Variants in PCDH15 observed in about 807,000 individuals in gnomAD.
The protein encoded by PCDH15 is protocadherin related 15.
Under a neutral mutation model 178.5 loss-of-function variants are expected in PCDH15, and 129 were observed. The observed-to-expected ratio is 0.72, with a 90% CI of 0.63 to 0.84. PCDH15 has a LOEUF of 0.84. PCDH15 is among the 40% of genes least tolerant of loss of function. PCDH15 has a pLI of 0.00. For synonymous variants in PCDH15, 800 were observed against 732.0 expected, an observed-to-expected ratio of 1.09 and a Z score of -1.50; for missense variants, 2,230 against 2,099.9, an observed-to-expected ratio of 1.06 and a Z score of -1.21.
Position 54,227,831 on chromosome 10 carries a change from C to G in PCDH15, c.985+8992G>C, listed in dbSNP as rs144735117. ...CTCAAGTTCAAAGTTCCACAAATATCTAAGGCAGGGGCAAAATGCTGCCAG... is the reference window on the plus strand; with the variant it reads ...CTCAAGTTCAAAGTTCCACAAATATGTAAGGCAGGGGCAAAATGCTGCCAG... On this transcript the variant is annotated intron_variant, in intron 9 of 37. Coordinates refer to ENST00000644397, the MANE Select transcript of PCDH15 (RefSeq NM_001384140.1). Among the ~76,000 whole-genome samples the G allele has an allele frequency of 1.9e-3, 284 of 152,274 alleles. 10 individuals are homozygous for G. In the East Asian group the frequency reaches 0.045, roughly 24 times the overall value.
chr10:55,313,060 T>C (rs1416667600), intron 1 of PCDH15, among the ~76,000 whole-genome samples: 1 of 152,130 alleles, frequency 6.6e-6, no homozygotes, highest in African/African-American at 2.4e-5. Flanking sequence ...ATACTAGAAA[T>C]AAGAAAATGT....
intron 1 of PCDH15, among the ~76,000 whole-genome samples, chr10:54,793,353 G>C (rs530663706): frequency 6.6e-6 from 1 of 151,946 alleles, no homozygotes; most frequent in South Asian, 2.1e-4. Flanking sequence ...CACCCACCCA[G>C]AGGCAATGAG....
chr10:54,470,631 C>G (rs2077847463), intron 3 of PCDH15, among the ~76,000 whole-genome samples: 1 of 152,096 alleles, frequency 6.6e-6, no homozygotes, highest in Non-Finnish European at 1.5e-5. Context: ...AAGGACTCTA[C>G]CATGGCTAAG....
At chr10:54,702,664 T>C (rs1226849403) in intron 1 of PCDH15, among the ~76,000 whole-genome samples, 1 of 151,086 alleles carries the variant, frequency 6.6e-6, no homozygotes, top group African/African-American at 2.4e-5. Flanking sequence ...TAGGAAGAAA[T>C]TGCAACCCTG....
At chr10:55,144,912 G>T (rs1838462421) in intron 2 of PCDH15, among the ~76,000 whole-genome samples, 1 of 151,104 alleles carries the variant, frequency 6.6e-6, no homozygotes, top group African/African-American at 2.4e-5. Context: ...TTTTTCCAAG[G>T]AATATATCCA....
intron 3 of PCDH15, among the ~76,000 whole-genome samples, chr10:54,812,050 A>C (rs996191841): frequency 2.0e-5 from 3 of 152,010 alleles, no homozygotes; most frequent in African/African-American, 7.2e-5. Context: ...CATAATTCTT[A>C]ATTAATCAAC....
At chr10:54,570,219 T>A (rs2089623708) in intron 2 of PCDH15, among the ~76,000 whole-genome samples, 1 of 152,130 alleles carries the variant, frequency 6.6e-6, no homozygotes, top group East Asian at 1.9e-4. Flanking sequence ...GGAAAGTGTC[T>A]GGCTATATAC....
At chr10:55,398,932 T>C (rs892165558) in intron 2 of PCDH15, among the ~76,000 whole-genome samples, 12 of 152,106 alleles carry the variant, frequency 7.9e-5, no homozygotes, top group African/African-American at 2.7e-4. Flanking sequence ...GCTCACATTC[T>C]CTAAAATGAC....
At chr10:54,459,570 A>G (rs970841576) in intron 3 of PCDH15, among the ~76,000 whole-genome samples, 1 of 152,112 alleles carries the variant, frequency 6.6e-6, no homozygotes, top group Non-Finnish European at 1.5e-5. Context: ...CCCATAATGT[A>G]AAGATTTTAG....
chr10:54,614,954 A>G (rs557888558), intron 2 of PCDH15, among the ~76,000 whole-genome samples: 1 of 152,088 alleles, frequency 6.6e-6, no homozygotes, highest in South Asian at 2.1e-4. Flanking sequence ...AGATATGCTA[A>G]GTACTCAGTA....
intron 20 of PCDH15, among the ~76,000 whole-genome samples, chr10:54,002,056 T>C (rs2092169504): frequency 8.9e-5 from 1 of 11,206 alleles, no homozygotes; most frequent in Admixed American, 7.0e-4. Context: ...CATATATGTA[T>C]ATATATACAT....
At chr10:54,091,242 G>C (rs918718820) in intron 15 of PCDH15, among the ~76,000 whole-genome samples, 3 of 152,156 alleles carry the variant, frequency 2.0e-5, no homozygotes, top group African/African-American at 4.8e-5. Context: ...GATGCTACAG[G>C]GGGGGATATA....
At chr10:53,868,159 C>T in intron 26 of PCDH15, among the ~76,000 whole-genome samples, 1 of 151,768 alleles carries the variant, frequency 6.6e-6, no homozygotes, top group East Asian at 1.9e-4. Flanking sequence ...TGATAAAAGA[C>T]TATATATACC....
upstream of PCDH15, among the ~76,000 whole-genome samples, chr10:54,805,708 A>G (rs1952768254): frequency 6.6e-6 from 1 of 152,156 alleles, no homozygotes; most frequent in African/African-American, 2.4e-5. Context: ...TGAGTTTCCA[A>G]CAGGCAGACT....
At chr10:55,067,031 A>G (rs1255292051) in intron 2 of PCDH15, among the ~76,000 whole-genome samples, 1 of 152,050 alleles carries the variant, frequency 6.6e-6, no homozygotes, top group Non-Finnish European at 1.5e-5. Flanking sequence ...ATAAATATGT[A>G]AACTATTATG....
At chr10:54,614,202 G>A (rs1043888523) in intron 2 of PCDH15, among the ~76,000 whole-genome samples, 9 of 151,838 alleles carry the variant, frequency 5.9e-5, no homozygotes, top group Non-Finnish European at 1.3e-4. Context: ...TATCTCAAAT[G>A]TGGAAATAAA....
chr10:54,096,895 T>C (rs1306530315), intron 15 of PCDH15, among the ~76,000 whole-genome samples: 2 of 152,256 alleles, frequency 1.3e-5, no homozygotes, highest in Non-Finnish European at 2.9e-5. Flanking sequence ...TCTCTAACAG[T>C]CTTTTAATTT....
At chr10:54,250,077 C>CTATTTTTTTTTTTTTTTTTTTTT (rs1412806029) in intron 8 of PCDH15, among the ~76,000 whole-genome samples, 1 of 137,810 alleles carries the variant, frequency 7.3e-6, no homozygotes, top group African/African-American at 2.7e-5. Context: ...CCACATCCGG[C>CTATTTTTTTTTTTTTTTTTTTTT]TTTTTTTTTT....
At chr10:54,425,334 TG>T (rs555474792) in intron 3 of PCDH15, among the ~76,000 whole-genome samples, 18 of 152,062 alleles carry the variant, frequency 1.2e-4, no homozygotes, top group Non-Finnish European at 2.2e-4. Context: ...AAGATAGACC[TG>T]AGCTAGCATG....
Sources: gnomAD v4.1 joint callset for allele counts (sites outside exome capture counted in the v4.1 genomes callset) on GRCh38, gnomAD v4.1.1 for gene constraint, MANE v1.5 for transcripts, NCBI Gene and HGNC (gene_info 2026-07-23, HGNC 2026-07-21) for gene names.